PLEKHA1: variants seen among roughly 807,000 people sequenced by gnomAD.
PLEKHA1 encodes pleckstrin homology domain containing A1, also known as pleckstrin homology domain-containing family A member 1.
A neutral mutation model predicts 52.0 loss-of-function variants in PLEKHA1; 34 were observed. That is an observed-to-expected ratio of 0.65 (90% CI 0.50 to 0.87). PLEKHA1 has a LOEUF of 0.87. Ranked by LOEUF, PLEKHA1 falls within the 40% of genes least tolerant of loss-of-function variation. PLEKHA1 has a pLI of 0.00. For synonymous variants in PLEKHA1, 163 were observed against 170.7 expected (o/e 0.95, Z 0.35); for missense variants, 497 against 504.2 (o/e 0.99, Z 0.14).
At chr10:122,413,090 T>C (rs1487142125) in intron 6 of PLEKHA1, 45 bp downstream of exon 6, 1 of 1,494,030 alleles carries the variant, frequency 6.7e-7, no homozygotes, top group African/African-American at 1.4e-5. Context: ...AATTATTGTA[T>C]ATTGATTTTT....
Position 122,412,964 on chromosome 10 carries a change from T to C in PLEKHA1, c.387T>C (p.Ser129=), listed in dbSNP as rs149999096. 5,160 of 1,613,558 alleles carry C rather than the reference T, an allele frequency of 3.2e-3. 10 individuals are homozygous for C. Among genetic ancestry groups the C allele is most frequent in the Non-Finnish European group, 3.9e-3 (4,610 of 1,179,620 alleles). The part of the protein sequence containing the change: ...SDSQPNSDNL[S]RHGECGKKQV... ...CACAGCCTAATTCTGATAACCTAAG[T>C]CGCCATGGTGAATGTGGGAAAAAGC... The change falls in exon 6 of 12, where the codon AGT becomes AGC. Residue 129 remains serine, a synonymous_variant. Coordinates refer to ENST00000368990, the MANE Select transcript of PLEKHA1 (RefSeq NM_001001974.4).
At chr10:122,439,056 T>C in the PLEKHA1 span, 5 of 152,226 alleles carry the variant, frequency 3.3e-5, no homozygotes, top group African/African-American at 4.8e-5. Flanking sequence ...GTTAAAGAAG[T>C]ATCCAACTAT....
chr10:122,379,143 A>G (rs1450303008), intron 1 of PLEKHA1, among the ~76,000 whole-genome samples: 4 of 152,038 alleles, frequency 2.6e-5, no homozygotes, highest in Non-Finnish European at 5.9e-5. Context: ...CTGTAGCTAA[A>G]CCTTTTCCAA....
intron 11 of PLEKHA1, chr10:122,428,179 T>A: frequency 8.6e-7 from 1 of 1,156,072 alleles, no homozygotes; most frequent in Non-Finnish European, 1.1e-6. Flanking sequence ...TGGGGGCAGA[T>A]TGGACTATCT....
At position 122,393,979 on chromosome 10, in the gene PLEKHA1, G is replaced by A. The variant is rs542587897; in HGVS notation, c.141+638G>A. ...TGCCTTGCAAAACACAGGGGTAAAT[G>A]CTACAATTTAAAAAATTGGAATCCC... is the stretch of plus-strand genomic sequence containing the variant. On this transcript the variant is annotated intron_variant, in intron 2 of 11. Coordinates refer to ENST00000368990, the MANE Select transcript of PLEKHA1 (RefSeq NM_001001974.4). The surrounding 1 kb of genome is among the most constrained non-coding windows in gnomAD (Gnocchi z 4.5). 9.5e-4 allele frequency among the ~76,000 whole-genome samples: 144 copies of A among 151,302 alleles called. No homozygotes were observed. The highest frequency in any genetic ancestry group is 1.7e-3 in the Non-Finnish European group (117 of 67,914).
intron 1 of PLEKHA1, among the ~76,000 whole-genome samples, chr10:122,381,092 G>A (rs1381082266): frequency 1.3e-5 from 2 of 152,170 alleles, no homozygotes; most frequent in Non-Finnish European, 2.9e-5. Flanking sequence ...ATATGTGTAC[G>A]TGTTTATTGA....
At chr10:122,404,204 A>T (rs1158001322) in intron 4 of PLEKHA1, among the ~76,000 whole-genome samples, 1 of 152,192 alleles carries the variant, frequency 6.6e-6, no homozygotes, top group East Asian at 1.9e-4. Context: ...TTGTAAGTGC[A>T]TAAGCTAGTC....
intron 8 of PLEKHA1, chr10:122,423,115 T>C (rs1309802201): frequency 2.0e-5 from 3 of 151,752 alleles, no homozygotes; most frequent in Non-Finnish European, 4.4e-5. Context: ...CTATGATTTT[T>C]TTTTTTTTTT....
At position 122,389,300 on chromosome 10, in the gene PLEKHA1, C is replaced by A. The variant is rs866351298; in HGVS notation, c.-20-3881C>A. On this transcript the variant is annotated intron_variant, in intron 1 of 11. Transcript: ENST00000368990. Reference sequence around the variant, plus strand: ...TTAACAGGTGTGGAAACAACATAATCACCTTGCACATTTTCATCAGAGCTC... The same window carrying A: ...TTAACAGGTGTGGAAACAACATAATAACCTTGCACATTTTCATCAGAGCTC... Among the ~76,000 whole-genome samples the A allele has an allele frequency of 7.2e-5, 11 of 152,348 alleles. No homozygotes were observed. In the Middle Eastern group the frequency reaches 0.01, roughly 141 times the overall value.
chr10:122,406,521 T>A, intron 4 of PLEKHA1, 55 bp from the exon 5 acceptor site: 1 of 1,428,450 alleles, frequency 7.0e-7, no homozygotes, highest in African/African-American at 1.4e-5. Flanking sequence ...ACTGCAAACA[T>A]AAATTTAGAG....
At chr10:122,412,871 A>T (rs201874046) in intron 5 of PLEKHA1, 49 bp from the exon 6 acceptor site, 29 of 1,595,616 alleles carry the variant, frequency 1.8e-5, no homozygotes, top group Admixed American at 1.2e-4. Context: ...AAACAGGTTC[A>T]CATGTATAAT....
intron 2 of PLEKHA1, among the ~76,000 whole-genome samples, chr10:122,394,702 AT>A (rs1335195577): frequency 1.3e-5 from 2 of 152,172 alleles, no homozygotes; most frequent in African/African-American, 4.8e-5. Context: ...TTTATGTAGA[AT>A]TTGAGTTGTA....
chr10:122,405,573 A>G (rs1003171812), intron 4 of PLEKHA1, among the ~76,000 whole-genome samples: 1 of 151,596 alleles, frequency 6.6e-6, no homozygotes, highest in Admixed American at 6.6e-5. Flanking sequence ...AGTATTAGCC[A>G]GGAAAACAGC....
At chr10:122,435,608 A>G (rs963355296), downstream of PLEKHA1, 4 of 152,242 alleles carry the variant, frequency 2.6e-5, no homozygotes, top group Non-Finnish European at 4.4e-5. Flanking sequence ...AGGTTCACAT[A>G]TAGTTGTAAG....
intron 11 of PLEKHA1, 92 bp from the exon 12 acceptor site, chr10:122,429,526 GTGTGTT>G: frequency 7.6e-6 from 6 of 786,336 alleles, no homozygotes; most frequent in South Asian, 1.8e-5. Flanking sequence ...GTGTGTGTGT[GTGTGTT>G]TTATTTGTTT....
chr10:122,422,662 A>G (rs1353646898), intron 8 of PLEKHA1: 3 of 152,236 alleles, frequency 2.0e-5, no homozygotes, highest in Admixed American at 6.5e-5. Flanking sequence ...AGCTACATAC[A>G]TGGTATGATC....
intron 4 of PLEKHA1, 131 bp downstream of exon 4, chr10:122,400,519 C>A: frequency 2.7e-6 from 2 of 752,818 alleles, no homozygotes; most frequent in Non-Finnish European, 4.1e-6. Flanking sequence ...TCCCTTGTAA[C>A]TGCTATACAG....
Position 122,429,568 on chromosome 10 carries a change from G to A in PLEKHA1, c.901-56G>A, listed in dbSNP as rs1400355503. 17 of 1,516,444 alleles carry A rather than the reference G, an allele frequency of 1.1e-5. No individual in the cohort carries two copies. The East Asian group carries it at 3.8e-4, about 34-fold the overall frequency. 93.9% of individuals were successfully genotyped at this position (1,516,444 alleles called of 1,614,324 possible). On this transcript the variant is annotated intron_variant, in intron 11 of 11. Transcript: ENST00000368990. ...TTCAGAGAATCAAGTCTCACACTGA[G>A]TTACTAACCTGGTCATGAGTGACTG...
At position 122,428,316 on chromosome 10, in the gene PLEKHA1, G is replaced by C. The variant is rs772712392; in HGVS notation, c.900+1285G>C. On this transcript the variant is annotated intron_variant, in intron 11 of 11. Transcript: ENST00000368990. ...AGGCTGTCGAACCCTTGTATACAGA[G>C]GTATACATCAAGAGCTGGTGAATGC... 1.0e-5 allele frequency: 16 copies of C among 1,547,250 alleles called. 1 individual carries two copies. The highest frequency in any genetic ancestry group is 3.6e-5 in the South Asian group (3 of 83,536).
Sources: allele counts gnomAD v4.1 joint callset (sites outside exome capture counted in the v4.1 genomes callset), GRCh38; gene constraint gnomAD v4.1.1; non-coding constraint Gnocchi (gnomAD v3.1); transcripts MANE v1.5; gene names NCBI Gene and HGNC (gene_info 2026-07-23, HGNC 2026-07-21).